The following HDAC9 variants were observed in gnomAD, a reference collection of about 807,000 sequenced individuals.
HDAC9 encodes histone deacetylase 9, also known as MEF-2 interacting transcription repressor (MITR) protein.
Under a neutral mutation model 139.4 loss-of-function variants are expected in HDAC9, and 41 were observed. The observed-to-expected ratio is 0.29, with a 90% CI of 0.23 to 0.38. HDAC9 has a LOEUF of 0.38. Among genes scored for constraint, HDAC9 ranks in the 10% least tolerant of loss-of-function variants. The pLI, the probability that HDAC9 is intolerant of heterozygous loss-of-function variation, is 1.00. For missense variants in HDAC9, 1,147 were observed against 1,297.0 expected (o/e 0.88, Z 1.78); for synonymous variants, 517 against 476.2 (o/e 1.09, Z -1.12).
chr7:18,894,578 GGA>G (rs1354745466), intron 22 of HDAC9, among the ~76,000 whole-genome samples: 1 of 152,112 alleles, frequency 6.6e-6, no homozygotes, highest in African/African-American at 2.4e-5. Context: ...AGAAATTGGA[GGA>G]GAGAAATTGT....
At chr7:18,369,996 T>A (rs1218763451) in intron 1 of HDAC9, among the ~76,000 whole-genome samples, 4 of 152,176 alleles carry the variant, frequency 2.6e-5, no homozygotes, top group African/African-American at 9.7e-5. Flanking sequence ...AGAGTTTTTT[T>A]AAAAAGATGT....
chr7:18,436,024 C>T (rs549031388), intron 1 of HDAC9, among the ~76,000 whole-genome samples: 1 of 151,368 alleles, frequency 6.6e-6, no homozygotes, highest in Non-Finnish European at 1.5e-5. Flanking sequence ...CACTATGTTG[C>T]CCAGGCTGGT....
intron 2 of HDAC9, among the ~76,000 whole-genome samples, chr7:18,541,928 A>T (rs1381915752): frequency 1.3e-5 from 2 of 152,170 alleles, no homozygotes; most frequent in African/African-American, 4.8e-5. Flanking sequence ...CTTCCTACAG[A>T]TATATCCATT....
chr7:18,619,175 G>C (rs1388961011), intron 6 of HDAC9, among the ~76,000 whole-genome samples: 2 of 152,128 alleles, frequency 1.3e-5, no homozygotes, highest in Non-Finnish European at 2.9e-5. Context: ...TGTAGTATTT[G>C]TGATGCTTGC....
chr7:18,568,052 ATG>A (rs1823042480), intron 2 of HDAC9, among the ~76,000 whole-genome samples: 1 of 139,056 alleles, frequency 7.2e-6, no homozygotes, highest in East Asian at 2.2e-4. Context: ...ATATATATAT[ATG>A]TAAGCTTAGA....
chr7:18,783,950 G>T (rs1791470097), intron 16 of HDAC9, among the ~76,000 whole-genome samples: 1 of 151,720 alleles, frequency 6.6e-6, no homozygotes, highest in Non-Finnish European at 1.5e-5. Flanking sequence ...CTTTTAGCTG[G>T]GACACAAACA....
intron 12 of HDAC9, among the ~76,000 whole-genome samples, chr7:18,685,669 A>G (rs1437440858): frequency 6.6e-6 from 1 of 151,956 alleles, no homozygotes; most frequent in Non-Finnish European, 1.5e-5. Context: ...GTGAATGCTG[A>G]TTTACTATTT....
chr7:18,221,238 C>T (rs1263314337), intron 2 of HDAC9, among the ~76,000 whole-genome samples: 3 of 151,608 alleles, frequency 2.0e-5, no homozygotes, highest in African/African-American at 4.8e-5. Context: ...CCAGAGTAGC[C>T]GAGATTACAG....
At chr7:18,903,661 A>G (rs925977657) in intron 22 of HDAC9, among the ~76,000 whole-genome samples, 1 of 152,158 alleles carries the variant, frequency 6.6e-6, no homozygotes, top group African/African-American at 2.4e-5. Flanking sequence ...ATTTACGCCC[A>G]TTTACTCCTC....
intron 11 of HDAC9, among the ~76,000 whole-genome samples, chr7:18,660,040 A>G (rs1322194642): frequency 2.0e-5 from 3 of 152,190 alleles, no homozygotes; most frequent in African/African-American, 7.2e-5. Context: ...TGAGAAACAC[A>G]TAGAAAACAA....
chr7:18,105,691 C>T (rs1164580970), intron 1 of HDAC9, among the ~76,000 whole-genome samples: 2 of 151,480 alleles, frequency 1.3e-5, no homozygotes, highest in Non-Finnish European at 2.9e-5. Context: ...TTTGGTAGTT[C>T]CTCAAAAAGC....
At chr7:18,610,332 T>G (rs1836759934) in intron 6 of HDAC9, among the ~76,000 whole-genome samples, 1 of 152,216 alleles carries the variant, frequency 6.6e-6, no homozygotes, top group Non-Finnish European at 1.5e-5. Context: ...ACTTTGTTAT[T>G]GGAAGTATGA....
At chr7:18,276,326 G>C (rs543460796) in intron 2 of HDAC9, among the ~76,000 whole-genome samples, 2 of 152,304 alleles carry the variant, frequency 1.3e-5, no homozygotes, top group Admixed American at 1.3e-4. Flanking sequence ...GTGTGGTATT[G>C]ATACAGTATT....
At position 18,719,366 on chromosome 7, in the gene HDAC9, G is replaced by A. The variant is rs1487756083; in HGVS notation, c.1732-8214G>A. Among the ~76,000 whole-genome samples, 3 of 60,238 alleles carry A rather than the reference G, an allele frequency of 5.0e-5. No individual in the cohort carries two copies. The Admixed American group carries it at 5.6e-4, about 11-fold the overall frequency. The allele number at this position is 60,238 out of a possible 152,430, so 39.5% of individuals were successfully genotyped here. A position where few individuals can be genotyped will look rare whatever the true frequency, so the allele number is the denominator to read the frequency against. On this transcript the variant is annotated intron_variant, in intron 12 of 25. Coordinates refer to ENST00000686413, the MANE Select transcript of HDAC9 (RefSeq NM_178425.4). The stretch of plus-strand genomic sequence containing the variant: ...TTTTTTTTTTTTTTTTTGAGATGGA[G>A]TTTTGTCTTGTCGCCCAGGCTGGAG...
At chr7:18,307,397 C>T in intron 1 of HDAC9, among the ~76,000 whole-genome samples, 1 of 152,110 alleles carries the variant, frequency 6.6e-6, no homozygotes, top group East Asian at 1.9e-4. Flanking sequence ...GGTAATTGTT[C>T]AAGACCATTA....
chr7:18,589,156 T>C (rs1726614), intron 3 of HDAC9, among the ~76,000 whole-genome samples: 138,750 of 152,038 alleles, frequency 0.91, 63,526 homozygotes, highest in East Asian at 1. Context: ...CTCCTCAGTG[T>C]GCACATTTAC....
chr7:18,249,524 CAA>C (rs1417150363), intron 2 of HDAC9, among the ~76,000 whole-genome samples: 2 of 49,012 alleles, frequency 4.1e-5, no homozygotes, highest in South Asian at 7.7e-4. Context: ...AAAAAAAAAA[CAA>C]AAAAAAAACT....
chr7:18,549,174 G>T (rs1223994135), intron 2 of HDAC9, among the ~76,000 whole-genome samples: 2 of 152,152 alleles, frequency 1.3e-5, no homozygotes, highest in Admixed American at 1.3e-4. Flanking sequence ...GGAGGTGGGG[G>T]TTGCAGTGAG....
At chr7:18,422,818 A>G (rs1789762644) in intron 1 of HDAC9, among the ~76,000 whole-genome samples, 1 of 151,370 alleles carries the variant, frequency 6.6e-6, no homozygotes, top group South Asian at 2.1e-4. Context: ...GTTAAAGGTT[A>G]TTTTTTTCCC....
Sources: gnomAD v4.1 joint callset for allele counts (sites outside exome capture counted in the v4.1 genomes callset) on GRCh38, gnomAD v4.1.1 for gene constraint, MANE v1.5 for transcripts, NCBI Gene and HGNC (gene_info 2026-07-23, HGNC 2026-07-21) for gene names.